The following SPRED1 variants were observed in gnomAD, a reference collection of about 807,000 sequenced individuals.
SPRED1 encodes sprouty-related, EVH1 domain-containing protein 1.
SPRED1 carries 18 observed loss-of-function variants against 52.3 expected under a neutral mutation model. The ratio of observed to expected loss-of-function variants is 0.34; its 90% confidence interval spans 0.24 to 0.51. SPRED1 has a LOEUF of 0.51. Among genes scored for constraint, SPRED1 ranks in the 20% least tolerant of loss-of-function variants. The probability of loss-of-function intolerance (pLI) is 0.97; values close to 1 mark genes in which losing one functional copy is unlikely to be tolerated. For missense variants in SPRED1, 485 were observed against 551.0 expected (o/e 0.88, Z 1.20); for synonymous variants, 155 against 179.7 (o/e 0.86, Z 1.10).
At chr15:38,275,775 C>T (rs972152829) in intron 1 of SPRED1, among the ~76,000 whole-genome samples, 1 of 152,202 alleles carries the variant, frequency 6.6e-6, no homozygotes, top group African/African-American at 2.4e-5. Flanking sequence ...GGATTACAGG[C>T]GTGAGCCAGT....
intron 1 of SPRED1, among the ~76,000 whole-genome samples, chr15:38,257,164 G>A (rs1002853412): frequency 6.6e-6 from 1 of 152,020 alleles, no homozygotes; most frequent in Non-Finnish European, 1.5e-5. Flanking sequence ...TCAACACTCT[G>A]TCCCTCTATG....
At chr15:38,256,029 A>G (rs1236260581) in intron 1 of SPRED1, among the ~76,000 whole-genome samples, 4 of 152,152 alleles carry the variant, frequency 2.6e-5, no homozygotes, top group Non-Finnish European at 4.4e-5. Context: ...TTATGTAGAG[A>G]AATGGATAAC....
At chr15:38,337,928 A>G (rs1203903510) in intron 4 of SPRED1, among the ~76,000 whole-genome samples, 2 of 151,490 alleles carry the variant, frequency 1.3e-5, no homozygotes, top group Admixed American at 6.6e-5. Flanking sequence ...TATAATAAAA[A>G]GAAATTGTGC....
chr15:38,267,249 A>G (rs1418494987), intron 1 of SPRED1, among the ~76,000 whole-genome samples: 1 of 151,862 alleles, frequency 6.6e-6, no homozygotes. Flanking sequence ...TTAGTACTGT[A>G]ATATTTCACA....
chr15:38,312,639 G>A (rs913522689), intron 2 of SPRED1, among the ~76,000 whole-genome samples: 5 of 151,926 alleles, frequency 3.3e-5, no homozygotes, highest in Admixed American at 2.6e-4. Context: ...ATCCCATGTC[G>A]TCGTTGCTTT....
intron 1 of SPRED1, among the ~76,000 whole-genome samples, chr15:38,274,351 C>T (rs549387840): frequency 1.8e-4 from 28 of 152,228 alleles, no homozygotes; most frequent in African/African-American, 5.3e-4. Context: ...GCACCAGAGT[C>T]GGAAATGATA....
rs1233167650 is a variant in SPRED1 at position 38,344,673 on chromosome 15, A to G, written c.583-4749A>G. The stretch of plus-strand genomic sequence containing the variant: ...AGGTTCTTTGTAGCTTAGTATCCTC[A>G]TCTGTAAATTGGAATAATATCGGTA... On this transcript the variant is annotated intron_variant, in intron 5 of 6. Transcript: ENST00000299084. 2.0e-5 allele frequency among the ~76,000 whole-genome samples: 3 copies of G among 152,252 alleles called. No homozygotes were observed. The East Asian group carries it at 5.8e-4, about 29-fold the overall frequency.
chr15:38,335,455 A>G (rs1363911018), intron 4 of SPRED1, among the ~76,000 whole-genome samples: 2 of 152,220 alleles, frequency 1.3e-5, no homozygotes, highest in East Asian at 3.9e-4. Flanking sequence ...GAGGAAATGG[A>G]TGTGAAAGAT....
intron 1 of SPRED1, among the ~76,000 whole-genome samples, chr15:38,259,644 A>G (rs1894166457): frequency 6.6e-6 from 1 of 152,242 alleles, no homozygotes; most frequent in Non-Finnish European, 1.5e-5. Flanking sequence ...TAGTTCTACA[A>G]GGAATATGCT....
chr15:38,307,788 T>A (rs1895280630), intron 2 of SPRED1, among the ~76,000 whole-genome samples: 4 of 152,206 alleles, frequency 2.6e-5, no homozygotes, highest in Admixed American at 2.6e-4. Context: ...TTACTTTAAC[T>A]TTTGTGGGGA....
intron 2 of SPRED1, among the ~76,000 whole-genome samples, chr15:38,315,327 T>C (rs1019781057): frequency 2.0e-5 from 3 of 151,954 alleles, no homozygotes; most frequent in African/African-American, 7.2e-5. Flanking sequence ...TATCTACTCG[T>C]AAGATAGCAA....
At chr15:38,270,363 T>C (rs946574124) in intron 1 of SPRED1, among the ~76,000 whole-genome samples, 2 of 152,252 alleles carry the variant, frequency 1.3e-5, no homozygotes, top group African/African-American at 4.8e-5. Flanking sequence ...AATTTGCCAC[T>C]GGTATGTAAG....
intron 4 of SPRED1, among the ~76,000 whole-genome samples, chr15:38,326,616 A>G (rs544825081): frequency 6.6e-6 from 1 of 152,194 alleles, no homozygotes; most frequent in Non-Finnish European, 1.5e-5. Flanking sequence ...GCAGAAGTTT[A>G]AGGTTGAGAA....
At chr15:38,276,385 C>A (rs1211653807) in intron 1 of SPRED1, among the ~76,000 whole-genome samples, 1 of 151,914 alleles carries the variant, frequency 6.6e-6, no homozygotes, top group Non-Finnish European at 1.5e-5. Context: ...TTTACATGTA[C>A]CTCCTTTTAG....
chr15:38,344,401 T>G (rs977386824), intron 5 of SPRED1, among the ~76,000 whole-genome samples: 2 of 152,196 alleles, frequency 1.3e-5, no homozygotes, highest in Non-Finnish European at 2.9e-5. Context: ...TTCTTTTGAT[T>G]GATGGGGAAA....
At chr15:38,276,042 A>C (rs1052650823) in intron 1 of SPRED1, among the ~76,000 whole-genome samples, 2 of 152,196 alleles carry the variant, frequency 1.3e-5, no homozygotes, top group Non-Finnish European at 2.9e-5. Flanking sequence ...ATTAAAATAG[A>C]TTCAAGAAAA....
chr15:38,290,746 A>G (rs145147262), intron 1 of SPRED1, among the ~76,000 whole-genome samples: 2 of 152,312 alleles, frequency 1.3e-5, no homozygotes, highest in East Asian at 3.9e-4. Context: ...CTTATTCCCT[A>G]TCACAAGAAT....
chr15:38,293,533 T>C (rs1393522566), intron 1 of SPRED1, among the ~76,000 whole-genome samples: 2 of 152,174 alleles, frequency 1.3e-5, no homozygotes, highest in Non-Finnish European at 2.9e-5. Flanking sequence ...ATCTTCGTCT[T>C]TCTAATCAAA....
intron 1 of SPRED1, 167 bp from the exon 2 acceptor site, chr15:38,299,206 T>TTC: frequency 2.6e-6 from 2 of 782,186 alleles, no homozygotes; most frequent in South Asian, 2.9e-5. Context: ...TTTTTGGTTT[T>TTC]TGACCTCTTT....
Sources: gnomAD v4.1 joint callset for allele counts (sites outside exome capture counted in the v4.1 genomes callset) on GRCh38, gnomAD v4.1.1 for gene constraint, MANE v1.5 for transcripts, NCBI Gene and HGNC (gene_info 2026-07-23, HGNC 2026-07-21) for gene names.